NIBAN3: variants seen among roughly 807,000 people sequenced by gnomAD.
NIBAN3 encodes protein Niban 3.
A neutral mutation model predicts 76.4 loss-of-function variants in NIBAN3; 66 were observed. The ratio of observed to expected loss-of-function variants is 0.86; its 90% CI spans 0.71 to 1.06. NIBAN3 has a LOEUF of 1.06. Ranked by LOEUF, NIBAN3 falls within the 50% of genes least tolerant of loss-of-function variation. The probability of loss-of-function intolerance (pLI) is 0.00; values close to 1 mark genes in which losing one functional copy is unlikely to be tolerated. For synonymous variants in NIBAN3, 360 were observed against 355.2 expected (o/e 1.01, Z -0.15); for missense variants, 808 against 810.7 (o/e 1.00, Z 0.04).
In NIBAN3 at chr19:17,553,506, C is replaced by G. The variant is rs774950678; in HGVS notation, c.*1608C>G. 2 of 1,614,190 alleles carry G rather than the reference C, an allele frequency of 1.2e-6. No individual in the cohort carries two copies. The highest frequency in any genetic ancestry group is 2.2e-5 in the South Asian group (2 of 91,082). The stretch of plus-strand genomic sequence containing the variant: ...AGCTTGCAGAGGGACTTTCACACTC[C>G]CTGGAGACCGTTTCCTCCCATTCTG... On this transcript the variant is annotated 3_prime_UTR_variant, in exon 15 of 15. Transcript: ENST00000599164.
intron 5 of NIBAN3, among the ~76,000 whole-genome samples, chr19:17,538,275 G>T (rs887444578): frequency 6.6e-6 from 1 of 151,932 alleles, no homozygotes; most frequent in African/African-American, 2.4e-5. Context: ...AATTAGCCGA[G>T]CGTGGTGGCA....
downstream of NIBAN3, chr19:17,553,727 C>A (rs2076191094): frequency 5.9e-6 from 4 of 680,400 alleles, no homozygotes; most frequent in African/African-American, 5.3e-5. Flanking sequence ...ATTTGTCATC[C>A]TGCCCCTTTT....
intron 9 of NIBAN3, among the ~76,000 whole-genome samples, chr19:17,541,302 C>A (rs1420276711): frequency 6.6e-6 from 1 of 152,094 alleles, no homozygotes; most frequent in Non-Finnish European, 1.5e-5. Flanking sequence ...ACCAGGCAAC[C>A]TTCAACTCAT....
At chr19:17,532,211 C>G in intron 2 of NIBAN3, 52 bp from the exon 3 acceptor site, 6 of 1,565,374 alleles carry the variant, frequency 3.8e-6, no homozygotes, top group Non-Finnish European at 5.2e-6. Flanking sequence ...GGTCGGGCCA[C>G]AGGGACATCA....
rs1162787708 is a variant in NIBAN3 at position 17,543,337 on chromosome 19, CA to C, written c.1351del (p.Thr451ProfsTer10). ...CACAGCTCATGGCTGACGCCGTGGC[CA>C]CCTTCCTGCAGCTGGCTGACCAGTG... is the stretch of plus-strand genomic sequence containing the variant. ...AQQLMADAVATFLQLADQCLT... is the reference protein window; with the variant it reads ...AQQLMADAVAXFLQLADQCLT... On this transcript the variant is annotated frameshift_variant, in exon 11 of 15. Transcript: ENST00000599164. LOFTEE classifies it high-confidence loss of function. 35 of 1,571,658 alleles carry C rather than the reference CA, an allele frequency of 2.2e-5. No homozygotes were observed. The highest frequency in any genetic ancestry group is 3.0e-5 in the Non-Finnish European group (35 of 1,155,512).
chr19:17,546,586 C>A, intron 12 of NIBAN3, 100 bp from the exon 13 acceptor site: 1 of 1,317,038 alleles, frequency 7.6e-7, no homozygotes, highest in East Asian at 3.1e-5. Flanking sequence ...CCCCCCAACC[C>A]CACAGCTAAT....
In NIBAN3 at chr19:17,533,657, G is replaced by A. The variant is rs201345901; in HGVS notation, c.383G>A (p.Arg128Gln). 57 of 1,613,968 alleles carry A rather than the reference G, an allele frequency of 3.5e-5. No homozygotes were observed. Among genetic ancestry groups the A allele is most frequent in the African/African-American group, 5.3e-5 (4 of 74,914 alleles). ...LTGYTLLTSQREYLRLLDALC... is the reference protein window; with the variant it reads ...LTGYTLLTSQQEYLRLLDALC... Reference sequence around the variant, plus strand: ...GGATACACGCTCCTGACTTCCCAGCGAGAATATCTCCGCCTTTTGGATGCT... The same window carrying A: ...GGATACACGCTCCTGACTTCCCAGCAAGAATATCTCCGCCTTTTGGATGCT... The change falls in exon 4 of 15, where the codon CGA (arginine) becomes CAA (glutamine). Residue 128 changes from arginine to glutamine, a missense_variant. By Grantham distance (43) the Arg-to-Gln change is conservative (BLOSUM62 1). Coordinates refer to ENST00000599164, the MANE Select transcript of NIBAN3 (RefSeq NM_001321827.2).
Position 17,546,794 on chromosome 19 carries a change from C to A in NIBAN3, c.1663C>A (p.Gln555Lys). 6.3e-7 allele frequency: 1 copy of A among 1,592,648 alleles called. No homozygotes were observed. ...IRGCLLQRID[Q>K]ELKKTLGAND... ...GGGGTGCTTGCTGCAGAGGATTGAC[C>A]AAGGTGAGTCCCGCCCTGCCATGGC... The change falls in exon 13 of 15, where the codon CAA becomes AAA. Residue 555 changes from glutamine (Q) to lysine (K), a missense_variant. Physicochemically the swap from Gln to Lys is moderately conservative, Grantham distance 53. Coordinates refer to ENST00000599164, the MANE Select transcript of NIBAN3 (RefSeq NM_001321827.2).
Position 17,531,324 on chromosome 19 carries a change from C to T in NIBAN3, c.186+439C>T, listed in dbSNP as rs919213384. Among the ~76,000 whole-genome samples, 29 of 99,330 alleles carry T rather than the reference C, an allele frequency of 2.9e-4. No homozygotes were observed. In the South Asian group the frequency reaches 0.01, roughly 35 times the overall value. The allele number at this position is 99,330 out of a possible 152,430, so 65.2% of individuals were successfully genotyped here. On this transcript the variant is annotated intron_variant, in intron 2 of 14. Transcript: ENST00000599164. The stretch of plus-strand genomic sequence containing the variant: ...CCTAGGCAACAGAGCTAGACTCTGT[C>T]AAACACACACACACACACACACACA...
At position 17,553,541 on chromosome 19, in the gene NIBAN3, T is replaced by C. The variant is rs2144804525; in HGVS notation, c.*1643T>C. The C allele has an allele frequency of 1.2e-6, 2 of 1,614,226 alleles. No homozygotes were observed. The highest frequency in any genetic ancestry group is 4.5e-5 in the East Asian group (2 of 44,888). ...GTTTCCTCCCATTCTGTCTGGAGTT[T>C]TCGGCCTACCCCAAGACAATGAGAT... is the stretch of plus-strand genomic sequence containing the variant. On this transcript the variant is annotated 3_prime_UTR_variant, in exon 15 of 15. Transcript: ENST00000599164.
rs73504235 is a variant in NIBAN3, at chr19:17,527,332, G to A, written c.-9G>A. Reference sequence around the variant, plus strand: ...GAAGGGAAGAGGAGCCCCGGGAGACGACAGCAGCATGGGTGGGCGGCCTTC... The same window carrying A: ...GAAGGGAAGAGGAGCCCCGGGAGACAACAGCAGCATGGGTGGGCGGCCTTC... On this transcript the variant is annotated 5_prime_UTR_variant, in exon 1 of 15. Transcript: ENST00000599164. 2,484 of 1,549,500 alleles carry A rather than the reference G, an allele frequency of 1.6e-3. 40 individuals are homozygous for A. In the African/African-American group the frequency reaches 0.029, roughly 18 times the overall value.
upstream of NIBAN3, among the ~76,000 whole-genome samples, chr19:17,525,530 CA>C (rs1568437486): frequency 6.6e-6 from 1 of 152,164 alleles, no homozygotes; most frequent in Non-Finnish European, 1.5e-5. Flanking sequence ...GACGGCTCTC[CA>C]AGGGGCTGGT....
intron 3 of NIBAN3, 168 bp from the exon 4 acceptor site, chr19:17,533,415 CAAAA>C (rs66723561): frequency 8.3e-3 from 3,476 of 419,592 alleles, no homozygotes; most frequent in South Asian, 0.012. Flanking sequence ...GTCTCAAAAA[CAAAA>C]AAAAAAAAAA....
upstream of NIBAN3, among the ~76,000 whole-genome samples, chr19:17,524,195 G>A (rs756767492): frequency 2.1e-4 from 32 of 149,668 alleles, no homozygotes; most frequent in Non-Finnish European, 2.5e-4. Flanking sequence ...CCAACTCCTC[G>A]CTTCCTTTCA....
intron 12 of NIBAN3, chr19:17,545,432 CAA>C: frequency 5.5e-6 from 1 of 181,496 alleles, no homozygotes; most frequent in South Asian, 1.7e-4. Context: ...AGACACAAGA[CAA>C]AGAGATAAAA....
At chr19:17,536,415 C>T (rs1472845405) in intron 4 of NIBAN3, among the ~76,000 whole-genome samples, 1 of 152,018 alleles carries the variant, frequency 6.6e-6, no homozygotes, top group African/African-American at 2.4e-5. Context: ...TCTCGAACTC[C>T]TGACCTCACG....
Position 17,539,757 on chromosome 19 carries a change from G to A in NIBAN3, c.971G>A (p.Arg324Gln), listed in dbSNP as rs986461864. The A allele has an allele frequency of 6.5e-7, 1 of 1,532,356 alleles. No homozygotes were observed. The highest frequency in any genetic ancestry group is 8.8e-7 in the Non-Finnish European group (1 of 1,141,490). 94.9% of individuals were successfully genotyped at this position (1,532,356 alleles called of 1,614,324 possible). ...CGGCAGCGGGCGCGTGTGGCGGGGC[G>A]GCTGAGGAGTGAGGCCCTGGGGCGG... Reference protein sequence around the residue: ...LLRQRARVAGRLRTDIRGPLE... With the variant: ...LLRQRARVAGQLRTDIRGPLE... The change falls in exon 8 of 15, where the codon CGG (arginine) becomes CAG (glutamine). Residue 324 changes from arginine to glutamine, a missense_variant. By Grantham distance (43) the Arg-to-Gln change is conservative. Coordinates refer to ENST00000599164, the MANE Select transcript of NIBAN3 (RefSeq NM_001321827.2).
At chr19:17,531,819 C>T (rs1320383812) in intron 2 of NIBAN3, among the ~76,000 whole-genome samples, 2 of 152,166 alleles carry the variant, frequency 1.3e-5, no homozygotes, top group Admixed American at 1.3e-4. Context: ...CAAGCGTGAG[C>T]GCCTGGCCTC....
At chr19:17,546,647 C>A (rs1362080613) in intron 12 of NIBAN3, 39 bp from the exon 13 acceptor site, 1 of 1,489,010 alleles carries the variant, frequency 6.7e-7, no homozygotes, top group South Asian at 1.4e-5. Flanking sequence ...TAGAGGGGCC[C>A]TCCTCTCCAT....
Sources: allele counts gnomAD v4.1 joint callset (sites outside exome capture counted in the v4.1 genomes callset), GRCh38; gene constraint gnomAD v4.1.1; transcripts MANE v1.5; gene names NCBI Gene and HGNC (gene_info 2026-07-23, HGNC 2026-07-21).